SYTL3: variants seen among roughly 807,000 people sequenced by gnomAD.
The protein encoded by SYTL3 is synaptotagmin like 3, also known as synaptotagmin-like protein 3.
Under a neutral mutation model 82.1 loss-of-function variants are expected in SYTL3, and 88 were observed. The observed-to-expected ratio is 1.07, with a 90% CI of 0.90 to 1.28. The LOEUF is 1.28. SYTL3 is among the 50% of genes most tolerant of loss of function. The pLI is 0.00. For missense variants in SYTL3, 831 were observed against 757.6 expected, an observed-to-expected ratio of 1.10 and a Z score of -1.14; for synonymous variants, 311 against 289.4, an observed-to-expected ratio of 1.07 and a Z score of -0.76.
intron 11 of SYTL3, among the ~76,000 whole-genome samples, chr6:158,733,163 G>T (rs1273918916): frequency 2.0e-5 from 3 of 152,074 alleles, no homozygotes; most frequent in East Asian, 1.9e-4. Flanking sequence ...AAATAAGTAC[G>T]TTCTGTGTTC....
chr6:158,701,233 CTGGGGTGTAGATGAAGGAGTGTGAG>C, intron 6 of SYTL3, among the ~76,000 whole-genome samples: 5 of 26,044 alleles, frequency 1.9e-4, no homozygotes, highest in African/African-American at 1.9e-3. Context: ...GGAGTGTGAG[CTGGGGTGTAGATGAAGGAGTGTGAG>C]CTGGGGTGTA....
chr6:158,720,406 CA>C (rs10640552), intron 10 of SYTL3, among the ~76,000 whole-genome samples: 579 of 88,172 alleles, frequency 6.6e-3, no homozygotes, highest in East Asian at 0.012. Flanking sequence ...AACTTTGTCT[CA>C]AAAAAAAAAA....
intron 16 of SYTL3, among the ~76,000 whole-genome samples, chr6:158,762,384 T>C (rs976408875): frequency 6.6e-6 from 1 of 152,048 alleles, no homozygotes; most frequent in Non-Finnish European, 1.5e-5. Context: ...GAAACCCTAA[T>C]CTTCTCAGTT....
chr6:158,658,744 G>A (rs908333175), intron 2 of SYTL3, among the ~76,000 whole-genome samples: 3 of 145,750 alleles, frequency 2.1e-5, no homozygotes, highest in Non-Finnish European at 4.5e-5. Context: ...GGCCAACATG[G>A]TGAAACCCTG....
Position 158,725,507 on chromosome 6 carries a change from TC to T in SYTL3, c.726del (p.Ser243ValfsTer6), listed in dbSNP as rs1784611725. ...DTAVNVTTRK[V>X]SAPDILKPLN... ...TTTCTGTTTTTCCTTCTCCAGAAGG[TC>T]AGTGCACCAGATATTCTGAAACCTC... On this transcript the variant is annotated frameshift_variant, in exon 11 of 18. Coordinates refer to ENST00000611299, the MANE Select transcript of SYTL3 (RefSeq NM_001242394.2). LOFTEE classifies it high-confidence loss of function. 2 of 1,613,344 alleles carry T rather than the reference TC, an allele frequency of 1.2e-6. No individual in the cohort carries two copies. The highest frequency in any genetic ancestry group is 1.7e-6 in the Non-Finnish European group (2 of 1,179,826).
At chr6:158,727,383 C>T (rs1360312315) in intron 11 of SYTL3, among the ~76,000 whole-genome samples, 1 of 151,798 alleles carries the variant, frequency 6.6e-6, no homozygotes, top group Non-Finnish European at 1.5e-5. Context: ...GTTGGCCAGG[C>T]TGGTCTCGAA....
intron 10 of SYTL3, among the ~76,000 whole-genome samples, chr6:158,724,794 C>A (rs1012560408): frequency 2.0e-5 from 3 of 152,206 alleles, no homozygotes; most frequent in Non-Finnish European, 4.4e-5. Flanking sequence ...GCATGTGGAT[C>A]ACTTGAGGTC....
At chr6:158,667,223 A>G (rs1014443448) in intron 5 of SYTL3, among the ~76,000 whole-genome samples, 8 of 152,216 alleles carry the variant, frequency 5.3e-5, no homozygotes, top group Non-Finnish European at 1.2e-4. Context: ...TCTCCCAGGA[A>G]GCTGACAGTG....
At chr6:158,747,050 G>A (rs1289388657) in intron 12 of SYTL3, among the ~76,000 whole-genome samples, 5 of 151,978 alleles carry the variant, frequency 3.3e-5, no homozygotes, top group Admixed American at 6.6e-5. Flanking sequence ...GTATTGGCAC[G>A]ATGTCAGCTC....
chr6:158,675,219 G>A lies in SYTL3; in HGVS notation c.330-7706G>A, dbSNP rs534144002. 1.0e-3 allele frequency among the ~76,000 whole-genome samples: 156 copies of A among 152,274 alleles called. 1 individual carries two copies. The South Asian group carries it at 0.02, about 19-fold the overall frequency. ...CATTCACTGGGGCTGTAATGTGCCTGGCCAGAGCTTGTAGCTGTGAATATA... is the reference window on the plus strand; with the variant it reads ...CATTCACTGGGGCTGTAATGTGCCTAGCCAGAGCTTGTAGCTGTGAATATA... On this transcript the variant is annotated intron_variant, in intron 5 of 17. Transcript: ENST00000611299.
rs139220196 is a variant in SYTL3 at position 158,687,934 on chromosome 6, C to T, written c.394+4945C>T. Among the ~76,000 whole-genome samples the T allele has an allele frequency of 4.6e-5, 7 of 152,320 alleles. No individual in the cohort carries two copies. The East Asian group carries it at 7.7e-4, about 17-fold the overall frequency. On this transcript the variant is annotated intron_variant, in intron 6 of 17. Coordinates refer to ENST00000611299, the MANE Select transcript of SYTL3 (RefSeq NM_001242394.2). ...CCCAAACTACTGTAAATTACATGCA[C>T]GTGTACACACCTGCACACTCCCAGC...
intron 10 of SYTL3, among the ~76,000 whole-genome samples, chr6:158,718,633 G>A (rs145589457): frequency 1.6e-4 from 24 of 152,332 alleles, no homozygotes; most frequent in Middle Eastern, 3.4e-3. Context: ...GTAAAGGCGC[G>A]AGCAAGCCTG....
At chr6:158,676,282 C>T (rs1485605263) in intron 5 of SYTL3, among the ~76,000 whole-genome samples, 3 of 152,078 alleles carry the variant, frequency 2.0e-5, no homozygotes, top group Non-Finnish European at 2.9e-5. Context: ...TTTGACAAAC[C>T]TGACAAAAAC....
At chr6:158,680,573 T>TATAA (rs1397820742) in intron 5 of SYTL3, among the ~76,000 whole-genome samples, 1 of 25,280 alleles carries the variant, frequency 4.0e-5, no homozygotes, top group Non-Finnish European at 6.9e-5. Flanking sequence ...ACCCCGTCTC[T>TATAA]ACAAAAAAAA....
At chr6:158,648,585 G>A (rs6911161), upstream of SYTL3, among the ~76,000 whole-genome samples, 25,444 of 124,460 alleles carry the variant, frequency 0.2, 2,666 homozygotes, top group Non-Finnish European at 0.26. Context: ...AGCGAGACTC[G>A]GTCTCAAAAA....
Position 158,757,305 on chromosome 6 carries a change from T to C in SYTL3, c.1232T>C (p.Val411Ala). 2 of 1,613,834 alleles carry C rather than the reference T, an allele frequency of 1.2e-6. No homozygotes were observed. The change falls in exon 14 of 18, where the codon GTG becomes GCG. Residue 411 changes from valine to alanine, a missense_variant. Val to Ala is a moderately conservative substitution (Grantham distance 64). Coordinates refer to ENST00000611299, the MANE Select transcript of SYTL3 (RefSeq NM_001242394.2). The stretch of plus-strand genomic sequence containing the variant: ...GCCCGGAGAGTGTTTCTTGGAGAAG[T>C]GATCATTCCTCTGGCCACGTGGGAC... ...TLARRVFLGE[V>A]IIPLATWDFE...
chr6:158,757,008 G>A (rs1380156520), intron 13 of SYTL3, among the ~76,000 whole-genome samples: 4 of 118,672 alleles, frequency 3.4e-5, no homozygotes, highest in African/African-American at 9.1e-5. Context: ...GGACCCCCCC[G>A]CCCCACCCTG....
intron 11 of SYTL3, among the ~76,000 whole-genome samples, chr6:158,738,435 C>T (rs183485852): frequency 5.3e-5 from 8 of 152,270 alleles, no homozygotes; most frequent in African/African-American, 1.7e-4. Flanking sequence ...TCTTTCCCCA[C>T]CCGCAATAGA....
intron 7 of SYTL3, among the ~76,000 whole-genome samples, chr6:158,707,690 A>G (rs1006030681): frequency 6.6e-6 from 1 of 152,276 alleles, no homozygotes; most frequent in Non-Finnish European, 1.5e-5. Flanking sequence ...ATAGAATTGA[A>G]TAATGGCCTG....
Sources: allele counts gnomAD v4.1 joint callset (sites outside exome capture counted in the v4.1 genomes callset), GRCh38; gene constraint gnomAD v4.1.1; transcripts MANE v1.5; gene names NCBI Gene and HGNC (gene_info 2026-07-23, HGNC 2026-07-21).